The following PAG1 variants were observed in gnomAD, a reference collection of about 807,000 sequenced individuals.
PAG1 encodes phosphoprotein membrane anchor with glycosphingolipid microdomains 1, also known as phosphoprotein associated with glycosphingolipid-enriched microdomains 1.
PAG1 carries 23 observed loss-of-function variants against 31.7 expected under a neutral mutation model. The observed-to-expected ratio is 0.73, with a 90% confidence interval of 0.52 to 1.03. The LOEUF is 1.03. Ranked by LOEUF, PAG1 falls within the 50% of genes least tolerant of loss-of-function variation. The probability of loss-of-function intolerance (pLI) is 0.00; values close to 1 mark genes in which losing one functional copy is unlikely to be tolerated. For synonymous variants in PAG1, 214 were observed against 210.3 expected, an observed-to-expected ratio of 1.02 and a Z score of -0.15; for missense variants, 473 against 540.7, an observed-to-expected ratio of 0.87 and a Z score of 1.24.
intron 1 of PAG1, among the ~76,000 whole-genome samples, chr8:81,077,402 C>G (rs1036699499): frequency 6.6e-6 from 1 of 152,192 alleles, no homozygotes; most frequent in African/African-American, 2.4e-5. Context: ...CCTTGCATTT[C>G]TCTTCTGTGG....
intron 2 of PAG1, among the ~76,000 whole-genome samples, chr8:81,046,867 C>A (rs2130859771): frequency 6.6e-6 from 1 of 152,222 alleles, no homozygotes; most frequent in African/African-American, 2.4e-5. Context: ...TCCGGCAGGT[C>A]CCAGTATAGG....
rs1343502804 is a variant in PAG1, at chr8:80,976,542, T to C, written c.*2A>G. On this transcript the variant is annotated 3_prime_UTR_variant, in exon 9 of 9. Coordinates refer to ENST00000220597, the MANE Select transcript of PAG1 (RefSeq NM_018440.4). ...GGCTACCCAGGGTTGTCTTCTGGGT[T>C]GCTAGAGCCTGGTAATATCTCTGCC... is the stretch of plus-strand genomic sequence containing the variant. 6.2e-7 allele frequency: 1 copy of C among 1,606,156 alleles called. No homozygotes were observed. The highest frequency in any genetic ancestry group is 8.5e-7 in the Non-Finnish European group (1 of 1,177,028).
chr8:81,067,957 G>A (rs745790669), intron 2 of PAG1, among the ~76,000 whole-genome samples: 41 of 152,002 alleles, frequency 2.7e-4, no homozygotes, highest in Non-Finnish European at 5.1e-4. Flanking sequence ...TTTTTTGGGG[G>A]GCAATCCTAG....
chr8:81,092,306 C>G (rs774830104), intron 1 of PAG1, among the ~76,000 whole-genome samples: 1 of 151,442 alleles, frequency 6.6e-6, no homozygotes, highest in Admixed American at 6.6e-5. Flanking sequence ...ATTGCTTGAG[C>G]GTGGGAGGTC....
intron 2 of PAG1, among the ~76,000 whole-genome samples, chr8:81,068,226 G>C (rs1287547187): frequency 6.6e-6 from 1 of 152,162 alleles, no homozygotes; most frequent in Non-Finnish European, 1.5e-5. Context: ...TAACTGGAAA[G>C]AACAACTATG....
rs1807128191 is a variant in PAG1 at position 80,973,901 on chromosome 8, C to T, written c.*2643G>A. ...CTAAGGTTCACTCTGCTTCTCTCCC[C>T]CAGCCCTCATGGCCTGTGCTACCAT... On this transcript the variant is annotated 3_prime_UTR_variant, in exon 9 of 9. Transcript: ENST00000220597. 1.3e-5 allele frequency: 2 copies of T among 152,224 alleles called. No individual in the cohort carries two copies. Among genetic ancestry groups the T allele is most frequent in the East Asian group, 1.9e-4 (1 of 5,196 alleles). The allele number at this position is 152,224 out of a possible 1,614,324, so 9.4% of individuals were successfully genotyped here. A position where few individuals can be genotyped will look rare whatever the true frequency, so the allele number is the denominator to read the frequency against.
chr8:81,053,273 G>A (rs1484584653), intron 2 of PAG1, among the ~76,000 whole-genome samples: 1 of 152,172 alleles, frequency 6.6e-6, no homozygotes, highest in Non-Finnish European at 1.5e-5. Flanking sequence ...CATTAATGAC[G>A]AATAACTTTG....
intron 2 of PAG1, among the ~76,000 whole-genome samples, chr8:81,033,917 C>T (rs1808421498): frequency 6.6e-6 from 1 of 152,210 alleles, no homozygotes; most frequent in African/African-American, 2.4e-5. Flanking sequence ...TCCTAACAGT[C>T]TCTTCTGGGG....
chr8:81,007,630 C>A, intron 3 of PAG1, among the ~76,000 whole-genome samples: 1 of 76,302 alleles, frequency 1.3e-5, no homozygotes, highest in African/African-American at 5.2e-5. Context: ...GAGCAAGACT[C>A]TGTCTCAAAA....
At chr8:81,012,274 C>G (rs541971779) in intron 3 of PAG1, among the ~76,000 whole-genome samples, 1 of 152,308 alleles carries the variant, frequency 6.6e-6, no homozygotes, top group Non-Finnish European at 1.5e-5. Context: ...TGGGCACTAC[C>G]ACTATTTTGA....
intron 3 of PAG1, among the ~76,000 whole-genome samples, chr8:81,005,605 G>A (rs931098151): frequency 6.6e-6 from 1 of 152,212 alleles, no homozygotes; most frequent in African/African-American, 2.4e-5. Context: ...AGGGTCTCTA[G>A]TAGAGACACA....
intron 6 of PAG1, among the ~76,000 whole-genome samples, chr8:80,985,890 A>G (rs1807409124): frequency 6.6e-6 from 1 of 152,204 alleles, no homozygotes; most frequent in South Asian, 2.1e-4. Flanking sequence ...AGCCATTAGC[A>G]CAAAGGGACT....
At chr8:81,041,151 G>A (rs561907529) in intron 2 of PAG1, among the ~76,000 whole-genome samples, 18 of 152,166 alleles carry the variant, frequency 1.2e-4, no homozygotes, top group African/African-American at 3.4e-4. Flanking sequence ...CTGTGAGAGC[G>A]AGGAGCAAGA....
chr8:81,099,731 C>G (rs1809581548), intron 1 of PAG1, among the ~76,000 whole-genome samples: 1 of 152,200 alleles, frequency 6.6e-6, no homozygotes, highest in Non-Finnish European at 1.5e-5. Flanking sequence ...GGAATGAGAA[C>G]TGCACACAGG....
chr8:81,064,765 T>C (rs1469404162), intron 2 of PAG1, among the ~76,000 whole-genome samples: 2 of 152,142 alleles, frequency 1.3e-5, no homozygotes, highest in Non-Finnish European at 2.9e-5. Context: ...ATTCATGAAG[T>C]GAATAGCAAT....
chr8:81,033,514 T>A (rs1808413664), intron 2 of PAG1, among the ~76,000 whole-genome samples: 1 of 152,214 alleles, frequency 6.6e-6, no homozygotes, highest in African/African-American at 2.4e-5. Context: ...TTCCACCGAA[T>A]GGAATTTTAG....
At chr8:81,083,723 G>T (rs181955822) in intron 1 of PAG1, among the ~76,000 whole-genome samples, 249 of 152,190 alleles carry the variant, frequency 1.6e-3, no homozygotes, top group Middle Eastern at 3.4e-3. Context: ...TCCACTTGCT[G>T]CCTTCTTCAT....
rs1035641962 is a variant in PAG1, at chr8:80,972,881, T to C, written c.*3663A>G. ...AACATTCAAAATACATAATAGAACA[T>C]ATCCTAATTAAGCACCAGAGTTGTG... On this transcript the variant is annotated 3_prime_UTR_variant, in exon 9 of 9. Coordinates refer to ENST00000220597, the MANE Select transcript of PAG1 (RefSeq NM_018440.4). 1 of 151,834 alleles carries C rather than the reference T, an allele frequency of 6.6e-6. No individual in the cohort carries two copies. Among genetic ancestry groups the C allele is most frequent in the African/African-American group, 2.4e-5 (1 of 41,296 alleles). The allele number at this position is 151,834 out of a possible 1,614,324, so 9.4% of individuals were successfully genotyped here. A position where few individuals can be genotyped will look rare whatever the true frequency, so the allele number is the denominator to read the frequency against.
chr8:81,079,710 CTTA>C (rs142749932), intron 1 of PAG1, among the ~76,000 whole-genome samples: 16 of 151,546 alleles, frequency 1.1e-4, no homozygotes, highest in Admixed American at 9.2e-4. Flanking sequence ...AGAAGAAATA[CTTA>C]TTATTATTAT....
Sources: gnomAD v4.1 joint callset for allele counts (sites outside exome capture counted in the v4.1 genomes callset) on GRCh38, gnomAD v4.1.1 for gene constraint, MANE v1.5 for transcripts, NCBI Gene and HGNC (gene_info 2026-07-23, HGNC 2026-07-21) for gene names.